Variants in GALNT17 observed in about 807,000 individuals in gnomAD.
GALNT17 encodes the protein polypeptide N-acetylgalactosaminyltransferase 17.
Under a neutral mutation model 63.7 loss-of-function variants are expected in GALNT17, and 29 were observed. The observed-to-expected ratio is 0.46, with a 90% CI of 0.34 to 0.62. The LOEUF (loss-of-function observed/expected upper bound fraction) is 0.62, where lower values mean the gene tolerates loss of function less well. GALNT17 is among the 20% of genes least tolerant of loss of function. The pLI is 0.01. For synonymous variants in GALNT17, 305 were observed against 318.3 expected, an observed-to-expected ratio of 0.96 and a Z score of 0.45; for missense variants, 603 against 799.6, an observed-to-expected ratio of 0.75 and a Z score of 2.97.
At chr7:71,133,734 ATGT>A (rs749596501) in intron 1 of GALNT17, among the ~76,000 whole-genome samples, 7 of 152,084 alleles carry the variant, frequency 4.6e-5, no homozygotes, top group African/African-American at 9.7e-5. Flanking sequence ...CCCATCTAAA[ATGT>A]TGTGCTCAGT....
At chr7:71,161,954 TTTTC>T (rs1489705911) in intron 1 of GALNT17, among the ~76,000 whole-genome samples, 1 of 147,332 alleles carries the variant, frequency 6.8e-6, no homozygotes, top group Non-Finnish European at 1.5e-5. Context: ...TCCCCTCCCC[TTTTC>T]TTTTTCTGTC....
chr7:71,416,223 A>C (rs1793524064), intron 4 of GALNT17, among the ~76,000 whole-genome samples, 160 bp downstream of exon 4: 1 of 152,168 alleles, frequency 6.6e-6, no homozygotes, highest in Admixed American at 6.6e-5. Flanking sequence ...GTCTGGGATA[A>C]AGCTAGGGAG....
chr7:71,227,008 C>T (rs1464470229), intron 1 of GALNT17, among the ~76,000 whole-genome samples: 1 of 151,732 alleles, frequency 6.6e-6, no homozygotes, highest in African/African-American at 2.4e-5. Context: ...CTGTCCCCTC[C>T]AGCTTTTGAG....
At chr7:71,543,782 CCTTTCTTT>C in intron 5 of GALNT17, among the ~76,000 whole-genome samples, 1 of 137,602 alleles carries the variant, frequency 7.3e-6, no homozygotes, top group African/African-American at 2.8e-5. Flanking sequence ...TTTCTTTCTT[CCTTTCTTT>C]CTTTTCTTTC....
At chr7:71,458,976 G>A (rs1787404623) in intron 5 of GALNT17, among the ~76,000 whole-genome samples, 1 of 152,158 alleles carries the variant, frequency 6.6e-6, no homozygotes, top group African/African-American at 2.4e-5. Context: ...TTCCAGGCTT[G>A]AGGGTGGGGC....
At chr7:71,259,412 A>T (rs1159843301) in intron 1 of GALNT17, among the ~76,000 whole-genome samples, 1 of 152,202 alleles carries the variant, frequency 6.6e-6, no homozygotes, top group Non-Finnish European at 1.5e-5. Flanking sequence ...TATTATGAAA[A>T]CATAGAGAAG....
chr7:71,380,238 G>C (rs1792819537), intron 2 of GALNT17, among the ~76,000 whole-genome samples: 2 of 151,720 alleles, frequency 1.3e-5, no homozygotes, highest in South Asian at 4.2e-4. Flanking sequence ...ATGAATGAGA[G>C]GTAAAGAAGG....
intron 5 of GALNT17, among the ~76,000 whole-genome samples, chr7:71,552,306 C>T (rs1789093702): frequency 6.6e-6 from 1 of 151,938 alleles, no homozygotes. Context: ...TGGCCTCCCA[C>T]AGTGCTAGGA....
intron 1 of GALNT17, among the ~76,000 whole-genome samples, chr7:71,147,315 T>C (rs539767188): frequency 1.3e-5 from 2 of 152,246 alleles, no homozygotes; most frequent in South Asian, 2.1e-4. Flanking sequence ...ACTGAAGAAC[T>C]TGGAGTCCGA....
At chr7:71,217,496 G>A (rs1789506393) in intron 1 of GALNT17, among the ~76,000 whole-genome samples, 2 of 151,798 alleles carry the variant, frequency 1.3e-5, no homozygotes, top group Admixed American at 1.3e-4. Flanking sequence ...TTTATCTAGG[G>A]ATGTGACTGT....
intron 1 of GALNT17, among the ~76,000 whole-genome samples, chr7:71,329,970 C>G (rs111928578): frequency 6.9e-6 from 1 of 144,684 alleles, no homozygotes; most frequent in Non-Finnish European, 1.5e-5. Flanking sequence ...TATATATATA[C>G]GTATATGTGT....
chr7:71,169,500 G>C (rs1327775419), intron 1 of GALNT17, among the ~76,000 whole-genome samples: 1 of 152,154 alleles, frequency 6.6e-6, no homozygotes, highest in East Asian at 1.9e-4. Flanking sequence ...GTCTTGGTTC[G>C]ATGTGGAAGT....
intron 5 of GALNT17, among the ~76,000 whole-genome samples, chr7:71,521,441 T>G (rs565266190): frequency 5.3e-5 from 8 of 152,300 alleles, no homozygotes; most frequent in African/African-American, 1.9e-4. Flanking sequence ...CTACAAAAGA[T>G]TTGCAGAACC....
chr7:71,585,446 A>G (rs569321550), intron 6 of GALNT17, among the ~76,000 whole-genome samples: 1 of 152,368 alleles, frequency 6.6e-6, no homozygotes, highest in East Asian at 1.9e-4. Context: ...TTCCATTAAA[A>G]GTAACTTTTC....
At chr7:71,184,939 A>ACTTCCTTCCTTCCTTC (rs1164312541) in intron 1 of GALNT17, among the ~76,000 whole-genome samples, 47 of 64,180 alleles carry the variant, frequency 7.3e-4, no homozygotes, top group South Asian at 1.8e-3. Flanking sequence ...TCCCTTCCTC[A>ACTTCCTTCCTTCCTTC]CTTCCTTCCT....
At chr7:71,280,297 G>A (rs945901550) in intron 1 of GALNT17, among the ~76,000 whole-genome samples, 2 of 152,168 alleles carry the variant, frequency 1.3e-5, no homozygotes, top group Non-Finnish European at 2.9e-5. Context: ...TGTGCAGTAA[G>A]TGTGATTGTC....
At chr7:71,393,113 T>C (rs1217996395) in intron 3 of GALNT17, among the ~76,000 whole-genome samples, 3 of 152,222 alleles carry the variant, frequency 2.0e-5, no homozygotes, top group Non-Finnish European at 4.4e-5. Flanking sequence ...TTTTCTGGTA[T>C]CTTGTTGTCA....
At chr7:71,670,901 T>TGTGC (rs113904463) in intron 8 of GALNT17, among the ~76,000 whole-genome samples, 92,870 of 150,118 alleles carry the variant, frequency 0.62, 34,347 homozygotes, top group Non-Finnish European at 0.82. Flanking sequence ...TGTGTGTGTG[T>TGTGC]GCGTGTGTGT....
intron 9 of GALNT17, among the ~76,000 whole-genome samples, chr7:71,684,664 G>A (rs1053637088): frequency 1.3e-4 from 20 of 152,064 alleles, no homozygotes; most frequent in African/African-American, 4.1e-4. Flanking sequence ...CCATCCCCCC[G>A]ACTTTATTTT....
Sources: allele counts gnomAD v4.1 joint callset (sites outside exome capture counted in the v4.1 genomes callset), GRCh38; gene constraint gnomAD v4.1.1; transcripts MANE v1.5; gene names NCBI Gene and HGNC (gene_info 2026-07-23, HGNC 2026-07-21).